KPNA5: variants seen among roughly 807,000 people sequenced by gnomAD.
The protein encoded by KPNA5 is importin subunit alpha-6.
Under a neutral mutation model 71.3 loss-of-function variants are expected in KPNA5, and 46 were observed. That is an observed-to-expected ratio of 0.65 (90% confidence interval 0.51 to 0.83). KPNA5 has a LOEUF of 0.83. Among genes scored for constraint, KPNA5 ranks in the 40% least tolerant of loss-of-function variants. The probability of loss-of-function intolerance (pLI) is 0.00; values close to 1 mark genes in which losing one functional copy is unlikely to be tolerated. For synonymous variants in KPNA5, 207 were observed against 201.4 expected (o/e 1.03, Z -0.24); for missense variants, 547 against 628.3 (o/e 0.87, Z 1.38).
rs1431368219 is a variant in KPNA5 at position 116,737,869 on chromosome 6, C to T, written c.*5546C>T. On this transcript the variant is annotated 3_prime_UTR_variant, in exon 14 of 14. Transcript: ENST00000368564. ...TGATTATAGTCTTTTTACTTATTTC[C>T]TTAGTTTTTGCTCATAATTTTAGAA... is the stretch of plus-strand genomic sequence containing the variant. 1 of 151,748 alleles carries T rather than the reference C, an allele frequency of 6.6e-6. No homozygotes were observed. The highest frequency in any genetic ancestry group is 1.5e-5 in the Non-Finnish European group (1 of 67,888). The allele number at this position is 151,748 out of a possible 1,614,324, so 9.4% of individuals were successfully genotyped here.
intron 8 of KPNA5, among the ~76,000 whole-genome samples, chr6:116,716,657 T>C (rs1778899540): frequency 6.6e-6 from 1 of 152,228 alleles, no homozygotes; most frequent in Non-Finnish European, 1.5e-5. Flanking sequence ...CCATTTGTAC[T>C]TTTTCATTGT....
chr6:116,730,023 A>C (rs1327187190), intron 13 of KPNA5, among the ~76,000 whole-genome samples: 1 of 150,278 alleles, frequency 6.7e-6, no homozygotes, highest in South Asian at 2.1e-4. Context: ...ATTTCTACAT[A>C]ATTTTTATTA....
chr6:116,684,391 A>G (rs1053961375), intron 1 of KPNA5, among the ~76,000 whole-genome samples: 4 of 152,106 alleles, frequency 2.6e-5, no homozygotes, highest in Admixed American at 6.5e-5. Flanking sequence ...TTGTCTCACT[A>G]TCTTTACCAG....
intron 5 of KPNA5, among the ~76,000 whole-genome samples, chr6:116,701,036 A>G (rs975833944): frequency 3.3e-5 from 5 of 152,152 alleles, no homozygotes; most frequent in Admixed American, 2.6e-4. Flanking sequence ...GTTGTCCACT[A>G]GCTTATTTCA....
chr6:116,732,990 TG>T lies in KPNA5; in HGVS notation c.*668del, dbSNP rs1223592521. ...TGAAGGGAGAAGCTGTTTTTCATGT[TG>T]AACACATTAAAAAGATTACTTTATA... On this transcript the variant is annotated 3_prime_UTR_variant, in exon 14 of 14. Coordinates refer to ENST00000368564, the MANE Select transcript of KPNA5 (RefSeq NM_001366306.2). 4 of 151,920 alleles carry T rather than the reference TG, an allele frequency of 2.6e-5. No homozygotes were observed. Among genetic ancestry groups the T allele is most frequent in the African/African-American group, 9.7e-5 (4 of 41,442 alleles). The allele number at this position is 151,920 out of a possible 1,614,324, so 9.4% of individuals were successfully genotyped here.
In KPNA5 at chr6:116,738,759, ATCTCAACAAATGCAG is replaced by A. The variant is rs2114528022; in HGVS notation, c.*6437_*6451del. The A allele has an allele frequency of 6.6e-6, 1 of 152,374 alleles. No homozygotes were observed. The highest frequency in any genetic ancestry group is 6.5e-5 in the Admixed American group (1 of 15,288). 9.4% of individuals were successfully genotyped at this position (152,374 alleles called of 1,614,324 possible). Reference sequence around the variant, plus strand: ...AACCAAAGACAAAAAACACATGATTATCTCAACAAATGCAGAAAAGGCCTTCGACAAAATTCAACA... The same window carrying A: ...AACCAAAGACAAAAAACACATGATTAAAAAGGCCTTCGACAAAATTCAACA... On this transcript the variant is annotated 3_prime_UTR_variant, in exon 14 of 14. Transcript: ENST00000368564.
rs143246471 is a variant in KPNA5 at position 116,730,520 on chromosome 6, AT to A, written c.1432+782del. On this transcript the variant is annotated intron_variant, in intron 13 of 13. Coordinates refer to ENST00000368564, the MANE Select transcript of KPNA5 (RefSeq NM_001366306.2). ...TAAGCATCTTTCTGTGTATATGTTT[AT>A]TTCTTTTATGGAATTAATATCTGGG... is the stretch of plus-strand genomic sequence containing the variant. Among the ~76,000 whole-genome samples, 1,111 of 152,126 alleles carry A rather than the reference AT, an allele frequency of 7.3e-3. 17 individuals are homozygous for A. Among genetic ancestry groups the A allele is most frequent in the African/African-American group, 0.024 (983 of 41,496 alleles).
intron 4 of KPNA5, among the ~76,000 whole-genome samples, chr6:116,693,554 A>C (rs1777893367): frequency 6.6e-6 from 1 of 152,134 alleles, no homozygotes; most frequent in Admixed American, 6.5e-5. Context: ...GTGTCTGTTC[A>C]TATCCTTCGC....
At chr6:116,730,363 A>G (rs9481669) in intron 13 of KPNA5, among the ~76,000 whole-genome samples, 3,679 of 152,166 alleles carry the variant, frequency 0.024, 156 homozygotes, top group African/African-American at 0.084. Flanking sequence ...CTGGAATTAC[A>G]GATATGAGCC....
rs532062612 is a variant in KPNA5, at chr6:116,735,117, T to G, written c.*2794T>G. 16 of 151,896 alleles carry G rather than the reference T, an allele frequency of 1.1e-4. No homozygotes were observed. Among genetic ancestry groups the G allele is most frequent in the African/African-American group, 3.6e-4 (15 of 41,552 alleles). 9.4% of individuals were successfully genotyped at this position (151,896 alleles called of 1,614,324 possible). A position where few individuals can be genotyped will look rare whatever the true frequency, so the allele number is the denominator to read the frequency against. The stretch of plus-strand genomic sequence containing the variant: ...TTTTAAGTGATAGTGTCCTTAAATT[T>G]TAGTGTCATTTGGTCAACTTACTGG... On this transcript the variant is annotated 3_prime_UTR_variant, in exon 14 of 14. Transcript: ENST00000368564.
At chr6:116,683,934 A>C (rs1008389519) in intron 1 of KPNA5, among the ~76,000 whole-genome samples, 7 of 76,894 alleles carry the variant, frequency 9.1e-5, no homozygotes, top group Non-Finnish European at 1.7e-4. Flanking sequence ...TTTTTTTGAC[A>C]GAGTCTTGCT....
In KPNA5 at chr6:116,716,431, A is replaced by G. The variant is rs567208396; in HGVS notation, c.756+113A>G. ...TTTTTGTTTAGTAATTATTTTCTTT[A>G]TTGACCAATGTTTGCACATATACAG... On this transcript the variant is annotated intron_variant, in intron 8 of 13. Coordinates refer to ENST00000368564, the MANE Select transcript of KPNA5 (RefSeq NM_001366306.2). 4.3e-5 allele frequency: 32 copies of G among 735,752 alleles called. No homozygotes were observed. The East Asian group carries it at 4.4e-4, about 10-fold the overall frequency. 45.6% of individuals were successfully genotyped at this position (735,752 alleles called of 1,614,324 possible). A position where few individuals can be genotyped will look rare whatever the true frequency, so the allele number is the denominator to read the frequency against.
chr6:116,711,436 G>A (rs1380575150), intron 7 of KPNA5, among the ~76,000 whole-genome samples: 1 of 150,430 alleles, frequency 6.6e-6, no homozygotes. Context: ...TTTTCATATG[G>A]GGTGTTAACA....
At position 116,732,143 on chromosome 6, in the gene KPNA5, T is replaced by G. The variant is rs1401989386; in HGVS notation, c.1440T>G (p.Asp480Glu). 1 of 1,393,204 alleles carries G rather than the reference T, an allele frequency of 7.2e-7. No homozygotes were observed. Among genetic ancestry groups the G allele is most frequent in the Non-Finnish European group, 9.7e-7 (1 of 1,029,266 alleles). The allele number at this position is 1,393,204 out of a possible 1,614,324, so 86.3% of individuals were successfully genotyped here. A position where few individuals can be genotyped will look rare whatever the true frequency, so the allele number is the denominator to read the frequency against. ...CALIEEAYGLDKIEFLQSHEN... is the reference protein window; with the variant it reads ...CALIEEAYGLEKIEFLQSHEN... ...ATATACTTTGTATAACAGGTCTGGA[T>G]AAAATTGAGTTTTTGCAAAGCCATG... Residue 480 changes from aspartate to glutamate, a missense_variant, in exon 14 of 14, where the codon GAT becomes GAG. Physicochemically the swap from Asp to Glu is conservative, Grantham distance 45. Coordinates refer to ENST00000368564, the MANE Select transcript of KPNA5 (RefSeq NM_001366306.2).
At chr6:116,694,713 T>A (rs1421312413) in intron 4 of KPNA5, among the ~76,000 whole-genome samples, 1 of 152,066 alleles carries the variant, frequency 6.6e-6, no homozygotes, top group Non-Finnish European at 1.5e-5. Context: ...AGTGTGAGCA[T>A]AAAATAATGT....
intron 13 of KPNA5, among the ~76,000 whole-genome samples, chr6:116,730,496 A>G (rs2114506604): frequency 6.6e-6 from 1 of 152,290 alleles, no homozygotes; most frequent in East Asian, 1.9e-4. Flanking sequence ...ATACCAAAAT[A>G]AGCATCTTTC....
chr6:116,701,942 A>G, intron 5 of KPNA5, 77 bp from the exon 6 acceptor site: 11 of 1,280,912 alleles, frequency 8.6e-6, no homozygotes, highest in African/African-American at 1.5e-5. Context: ...GCAGGTCTTT[A>G]CTCCCTCTCT....
At chr6:116,713,766 C>G (rs1778788373) in intron 7 of KPNA5, among the ~76,000 whole-genome samples, 1 of 152,040 alleles carries the variant, frequency 6.6e-6, no homozygotes. Flanking sequence ...TTTCAATTAA[C>G]CTATCTTAGG....
chr6:116,701,201 G>A (rs898911624), intron 5 of KPNA5, among the ~76,000 whole-genome samples: 9 of 151,916 alleles, frequency 5.9e-5, no homozygotes, highest in Non-Finnish European at 8.8e-5. Context: ...TGACGTGTAC[G>A]TTTACGTGAA....
Sources: gnomAD v4.1 joint callset for allele counts (sites outside exome capture counted in the v4.1 genomes callset) on GRCh38, gnomAD v4.1.1 for gene constraint, MANE v1.5 for transcripts, NCBI Gene and HGNC (gene_info 2026-07-23, HGNC 2026-07-21) for gene names.